Variants in PTPN14 observed in about 807,000 individuals in gnomAD.
PTPN14 encodes protein tyrosine phosphatase non-receptor type 14.
Under a neutral mutation model 126.8 loss-of-function variants are expected in PTPN14, and 53 were observed. The observed-to-expected ratio is 0.42, with a 90% CI of 0.34 to 0.53. The LOEUF is 0.53. PTPN14 is among the 20% of genes least tolerant of loss of function. The pLI is 0.08. For missense variants in PTPN14, 1,257 were observed against 1,552.9 expected (o/e 0.81, Z 3.20); for synonymous variants, 630 against 599.3 (o/e 1.05, Z -0.75).
rs1459353244 is a variant in PTPN14 at position 214,351,813 on chromosome 1, C to G, written c.*6109G>C. ...ATGCCACTTGGTGGTTTCCATCACT[C>G]TGACATTACAGAAAGGGAGGCAGGG... On this transcript the variant is annotated 3_prime_UTR_variant, in exon 19 of 19. Coordinates refer to ENST00000366956, the MANE Select transcript of PTPN14 (RefSeq NM_005401.5). The G allele has an allele frequency of 6.6e-6, 1 of 152,240 alleles. No individual in the cohort carries two copies. Among genetic ancestry groups the G allele is most frequent in the African/African-American group, 2.4e-5 (1 of 41,456 alleles). The allele number at this position is 152,240 out of a possible 1,614,324, so 9.4% of individuals were successfully genotyped here.
At chr1:214,517,780 A>G (rs924281573) in intron 1 of PTPN14, among the ~76,000 whole-genome samples, 2 of 152,110 alleles carry the variant, frequency 1.3e-5, no homozygotes, top group Non-Finnish European at 2.9e-5. Context: ...CTGTGTCTCT[A>G]TAAAAAATAC....
intron 3 of PTPN14, among the ~76,000 whole-genome samples, chr1:214,434,398 C>A (rs902543274): frequency 6.6e-6 from 1 of 151,914 alleles, no homozygotes; most frequent in African/African-American, 2.4e-5. Flanking sequence ...CCTCTGGTAA[C>A]CTTCAAGAGG....
At chr1:214,365,297 G>A (rs1658056131) in intron 17 of PTPN14, among the ~76,000 whole-genome samples, 1 of 152,180 alleles carries the variant, frequency 6.6e-6, no homozygotes, top group African/African-American at 2.4e-5. Context: ...GTGAGGTGGA[G>A]GGGGTCATGA....
At chr1:214,471,913 G>C (rs956480255) in intron 1 of PTPN14, among the ~76,000 whole-genome samples, 1 of 152,104 alleles carries the variant, frequency 6.6e-6, no homozygotes, top group African/African-American at 2.4e-5. Context: ...AGGGGAAATT[G>C]ATATGACATT....
chr1:214,459,411 C>T (rs1660457427), intron 2 of PTPN14, among the ~76,000 whole-genome samples: 1 of 151,766 alleles, frequency 6.6e-6, no homozygotes, highest in African/African-American at 2.4e-5. Flanking sequence ...CCTCAGCCTC[C>T]CAAAGTGCTG....
chr1:214,434,767 G>A (rs1002783107), intron 3 of PTPN14, among the ~76,000 whole-genome samples: 3 of 152,106 alleles, frequency 2.0e-5, no homozygotes, highest in Non-Finnish European at 2.9e-5. Flanking sequence ...ATAGGGAGTC[G>A]GTCTTTGGGC....
intron 2 of PTPN14, among the ~76,000 whole-genome samples, chr1:214,461,683 A>T (rs375055276): frequency 1.3e-4 from 20 of 151,996 alleles, no homozygotes; most frequent in African/African-American, 4.6e-4. Context: ...TGTGGCTCAC[A>T]CCTGTAATCC....
At chr1:214,538,925 T>C (rs963382316) in intron 1 of PTPN14, among the ~76,000 whole-genome samples, 6 of 152,230 alleles carry the variant, frequency 3.9e-5, no homozygotes, top group Non-Finnish European at 8.8e-5. Flanking sequence ...TTCAATGTAC[T>C]ATAAAGACAT....
intron 3 of PTPN14, among the ~76,000 whole-genome samples, chr1:214,419,132 T>C (rs1428483047): frequency 1.3e-5 from 2 of 152,208 alleles, no homozygotes; most frequent in South Asian, 2.1e-4. Context: ...CCAAATTTAA[T>C]AGCACATATC....
intron 1 of PTPN14, among the ~76,000 whole-genome samples, chr1:214,498,280 C>T (rs1216620434): frequency 6.6e-6 from 1 of 152,168 alleles, no homozygotes; most frequent in Non-Finnish European, 1.5e-5. Flanking sequence ...GGCACACAAA[C>T]ATGATACTGT....
chr1:214,487,915 A>G (rs1661151306), intron 1 of PTPN14, among the ~76,000 whole-genome samples: 1 of 152,248 alleles, frequency 6.6e-6, no homozygotes, highest in African/African-American at 2.4e-5. Flanking sequence ...CAAGCATTAC[A>G]GGATCGCTTT....
At chr1:214,432,380 C>A (rs1010817682) in intron 3 of PTPN14, among the ~76,000 whole-genome samples, 1 of 152,154 alleles carries the variant, frequency 6.6e-6, no homozygotes, top group Non-Finnish European at 1.5e-5. Flanking sequence ...CTCAGCCTTA[C>A]AATTTGCTTT....
intron 6 of PTPN14, among the ~76,000 whole-genome samples, chr1:214,402,629 CT>C (rs1342638868): frequency 2.1e-5 from 1 of 47,592 alleles, no homozygotes; most frequent in Non-Finnish European, 3.6e-5. Flanking sequence ...CCCAGATTCT[CT>C]AAGGAAGGAA....
rs1027745399 is a variant in PTPN14 at position 214,464,913 on chromosome 1, C to T, written c.-110G>A. 2.9e-6 allele frequency: 4 copies of T among 1,392,652 alleles called. No homozygotes were observed. Among genetic ancestry groups the T allele is most frequent in the Middle Eastern group, 2.0e-4 (1 of 5,008 alleles). 86.3% of individuals were successfully genotyped at this position (1,392,652 alleles called of 1,614,324 possible). On this transcript the variant is annotated 5_prime_UTR_variant, in exon 2 of 19. Coordinates refer to ENST00000366956, the MANE Select transcript of PTPN14 (RefSeq NM_005401.5). ...ACACTATCACCTGTGCTCCTCCAGG[C>T]AGGGAAAAGGGTGTCCATGCCCAGT...
In PTPN14 at chr1:214,439,550, G is replaced by A. The variant is rs375884080; in HGVS notation, c.344+12255C>T. Among the ~76,000 whole-genome samples the A allele has an allele frequency of 2.4e-4, 37 of 152,304 alleles. No individual in the cohort carries two copies. The South Asian group carries it at 6.8e-3, about 28-fold the overall frequency. ...TTTATGCTGGCAGCAAACGTCAGGC[G>A]AAATGTCTACTCACTCTCCCCAGCT... On this transcript the variant is annotated intron_variant, in intron 3 of 18. Transcript: ENST00000366956.
intron 11 of PTPN14, among the ~76,000 whole-genome samples, chr1:214,389,986 G>A (rs929311602): frequency 6.6e-6 from 1 of 152,180 alleles, no homozygotes; most frequent in African/African-American, 2.4e-5. Flanking sequence ...ATAATATAAT[G>A]ACTCAACTCA....
At chr1:214,447,102 T>A (rs1174096287) in intron 3 of PTPN14, among the ~76,000 whole-genome samples, 1 of 152,226 alleles carries the variant, frequency 6.6e-6, no homozygotes, top group Non-Finnish European at 1.5e-5. Flanking sequence ...CCACCTGAGA[T>A]GCCTGGTAAC....
At chr1:214,550,959 C>T (rs1439357876) in intron 1 of PTPN14, among the ~76,000 whole-genome samples, 1 of 152,216 alleles carries the variant, frequency 6.6e-6, no homozygotes, top group Admixed American at 6.5e-5. Flanking sequence ...CACCTTCCAG[C>T]TCGCTCCCGG....
At chr1:214,378,760 C>G (rs1468590914) in intron 13 of PTPN14, among the ~76,000 whole-genome samples, 1 of 150,970 alleles carries the variant, frequency 6.6e-6, no homozygotes, top group African/African-American at 2.5e-5. Flanking sequence ...GATCCGCAGG[C>G]ATCACCCTCC....
Sources: allele counts gnomAD v4.1 joint callset (sites outside exome capture counted in the v4.1 genomes callset), GRCh38; gene constraint gnomAD v4.1.1; transcripts MANE v1.5; gene names NCBI Gene and HGNC (gene_info 2026-07-23, HGNC 2026-07-21).